DOLPP1: variants seen among roughly 807,000 people sequenced by gnomAD.
The protein encoded by DOLPP1 is dolichyldiphosphatase 1.
In DOLPP1, 15 loss-of-function variants were observed where a neutral mutation model predicts 34.1. That is an observed-to-expected ratio of 0.44 (90% confidence interval 0.29 to 0.68). The LOEUF (loss-of-function observed/expected upper bound fraction) is 0.68, where lower values mean the gene tolerates loss of function less well. Ranked by LOEUF, DOLPP1 falls within the 30% of genes least tolerant of loss-of-function variation. The pLI, the probability that DOLPP1 is intolerant of heterozygous loss-of-function variation, is 0.12. For synonymous variants in DOLPP1, 130 were observed against 128.2 expected, an observed-to-expected ratio of 1.01 and a Z score of -0.10; for missense variants, 249 against 307.1, an observed-to-expected ratio of 0.81 and a Z score of 1.41.
In DOLPP1 at chr9:129,081,157, T is replaced by A. The variant is rs1036875921; in HGVS notation, c.26T>A (p.Leu9His). 6.2e-6 allele frequency: 10 copies of A among 1,609,730 alleles called. No homozygotes were observed. Among genetic ancestry groups the A allele is most frequent in the Middle Eastern group, 3.3e-4 (2 of 6,076 alleles). The change falls in exon 1 of 8, where the codon CTC (leucine) becomes CAC (histidine). Residue 9 changes from leucine to histidine, a missense_variant. Leu to His is a moderately conservative substitution (Grantham distance 99). Coordinates refer to ENST00000372546, the MANE Select transcript of DOLPP1 (RefSeq NM_020438.5). ...ATGGCAGCGGACGGACAGTGCTCGC[T>A]CCCCGCTTCATGGCGGCCGGTGACC... MAADGQCS[L>H]PASWRPVTLT... is the part of the protein sequence containing the mutation.
At chr9:129,088,854 G>T in intron 7 of DOLPP1, 117 bp from the exon 8 acceptor site, 2 of 1,003,904 alleles carry the variant, frequency 2.0e-6, no homozygotes. Context: ...CAGGTCAATC[G>T]CTGGCTACTG....
chr9:129,088,151 G>A (rs1271891407), intron 7 of DOLPP1, among the ~76,000 whole-genome samples: 1 of 131,184 alleles, frequency 7.6e-6, no homozygotes, highest in Non-Finnish European at 1.7e-5. Flanking sequence ...GAGGTGGGGG[G>A]GGATGGGGGG....
At chr9:129,084,272 C>A (rs1011723412) in intron 1 of DOLPP1, among the ~76,000 whole-genome samples, 10 of 152,224 alleles carry the variant, frequency 6.6e-5, no homozygotes, top group Admixed American at 2.0e-4. Flanking sequence ...GCCGGGTTCA[C>A]CTTCCTGCTT....
intron 7 of DOLPP1, among the ~76,000 whole-genome samples, chr9:129,087,722 G>A (rs1847019796): frequency 6.6e-6 from 1 of 152,080 alleles, no homozygotes; most frequent in Non-Finnish European, 1.5e-5. Flanking sequence ...AGGGTGGGGC[G>A]TCCTAGCAGC....
intron 7 of DOLPP1, among the ~76,000 whole-genome samples, chr9:129,087,371 A>C (rs1034333931): frequency 3.4e-5 from 5 of 145,042 alleles, no homozygotes; most frequent in African/African-American, 5.2e-5. Flanking sequence ...GCTGGAGTGC[A>C]GTGGCGCGAT....
chr9:129,085,157 CT>C lies in DOLPP1; in HGVS notation c.263-49del. On this transcript the variant is annotated intron_variant, in intron 3 of 7. Coordinates refer to ENST00000372546, the MANE Select transcript of DOLPP1 (RefSeq NM_020438.5). The surrounding 1 kb of genome is among the most constrained non-coding windows in gnomAD (Gnocchi z 7.0). ...GAGGTTCCCCCAGGTTGGGGCGTTA[CT>C]GGGAGGTCTGCATCCCCCCGTGATG... is the stretch of plus-strand genomic sequence containing the variant. 6.2e-7 allele frequency: 1 copy of C among 1,611,532 alleles called. No individual in the cohort carries two copies. The highest frequency in any genetic ancestry group is 1.7e-4 in the Middle Eastern group (1 of 6,054).
Position 129,082,262 on chromosome 9 carries a change from G to T in DOLPP1, c.76+1055G>T, listed in dbSNP as rs149388348. Among the ~76,000 whole-genome samples the T allele has an allele frequency of 4.8e-4, 73 of 152,300 alleles. 1 individual carries two copies. The East Asian group carries it at 0.012, about 25-fold the overall frequency. On this transcript the variant is annotated intron_variant, in intron 1 of 7. Coordinates refer to ENST00000372546, the MANE Select transcript of DOLPP1 (RefSeq NM_020438.5). The stretch of plus-strand genomic sequence containing the variant: ...CCAGGACTGAATGCCAAAGAACGTT[G>T]ACGCTGGTGTTCTGGGTTGTACTGG...
intron 7 of DOLPP1, 122 bp from the exon 8 acceptor site, chr9:129,088,849 C>T (rs1259214290): frequency 2.1e-6 from 2 of 951,094 alleles, no homozygotes; most frequent in Non-Finnish European, 3.3e-6. Flanking sequence ...CAGTTCAGGT[C>T]AATCGCTGGC....
rs1846976305 is a variant in DOLPP1 at position 129,085,688 on chromosome 9, A to G, written c.461+72A>G. ...CCTGCTGGTTCCTGGTCCCTGTCGG[A>G]CCCCACCATGGACCCTAGTCCCAGA... is the stretch of plus-strand genomic sequence containing the variant. On this transcript the variant is annotated intron_variant, in intron 5 of 7. Coordinates refer to ENST00000372546, the MANE Select transcript of DOLPP1 (RefSeq NM_020438.5). The surrounding 1 kb of genome is among the most constrained non-coding windows in gnomAD (Gnocchi z 7.0). 1.6e-6 allele frequency: 2 copies of G among 1,256,110 alleles called. No individual in the cohort carries two copies. Among genetic ancestry groups the G allele is most frequent in the African/African-American group, 1.5e-5 (1 of 66,694 alleles). 77.8% of individuals were successfully genotyped at this position (1,256,110 alleles called of 1,614,324 possible). A position where few individuals can be genotyped will look rare whatever the true frequency, so the allele number is the denominator to read the frequency against.
chr9:129,083,961 A>G (rs528875734), intron 1 of DOLPP1, among the ~76,000 whole-genome samples: 8 of 152,300 alleles, frequency 5.3e-5, no homozygotes, highest in African/African-American at 1.9e-4. Context: ...ATCTCCTAAA[A>G]GGGGCCAGTG....
rs1392770519 is a variant in DOLPP1, at chr9:129,085,039, G to T, written c.194G>T (p.Gly65Val). 6.3e-7 allele frequency: 1 copy of T among 1,576,504 alleles called. No homozygotes were observed. Among genetic ancestry groups the T allele is most frequent in the Non-Finnish European group, 8.6e-7 (1 of 1,161,750 alleles). Residue 65 changes from glycine to valine, a missense_variant, in exon 3 of 8, where the codon GGC becomes GTC. Coordinates refer to ENST00000372546, the MANE Select transcript of DOLPP1 (RefSeq NM_020438.5). The surrounding 1 kb of genome is among the most constrained non-coding windows in gnomAD (Gnocchi z 7.0). Reference protein sequence around the residue: ...RELHTISFLGGLALNEGVNWL... With the variant: ...RELHTISFLGVLALNEGVNWL... ...CCCCAGCAGATCTCCTTCCTTGGGG[G>T]CCTGGCACTGAACGAGGGGGTCAAC...
At position 129,084,791 on chromosome 9, in the gene DOLPP1, C is replaced by T. The variant is rs767849192; in HGVS notation, c.177+23C>T. The T allele has an allele frequency of 3.9e-6, 6 of 1,531,482 alleles. No homozygotes were observed. In the African/African-American group the frequency reaches 5.5e-5, roughly 14 times the overall value. The allele number at this position is 1,531,482 out of a possible 1,614,324, so 94.9% of individuals were successfully genotyped here. ...ACGGTGAGTCTGTCTTGCCCACACC[C>T]TCCCCACCCCACCCCCAGTGCCCCC... On this transcript the variant is annotated intron_variant, in intron 2 of 7. Coordinates refer to ENST00000372546, the MANE Select transcript of DOLPP1 (RefSeq NM_020438.5).
Position 129,086,325 on chromosome 9 carries a change from C to T in DOLPP1, c.590+58C>T, listed in dbSNP as rs946571963. ...GCCCTGTCCCCTCCTGTGGGTGGGG[C>T]CATCAGTGGGCGGACCTAGGAGTCT... On this transcript the variant is annotated intron_variant, in intron 6 of 7. Coordinates refer to ENST00000372546, the MANE Select transcript of DOLPP1 (RefSeq NM_020438.5). 10 of 1,596,020 alleles carry T rather than the reference C, an allele frequency of 6.3e-6. No individual in the cohort carries two copies. The East Asian group carries it at 9.0e-5, about 14-fold the overall frequency.
chr9:129,086,903 T>G, intron 7 of DOLPP1, 105 bp downstream of exon 7: 46 of 898,168 alleles, frequency 5.1e-5, no homozygotes, highest in Middle Eastern at 2.6e-4. Context: ...AGCACTTCTC[T>G]TGCATTAACT....
At chr9:129,086,905 GCATTAACT>G in intron 7 of DOLPP1, 107 bp downstream of exon 7, 2 of 895,570 alleles carry the variant, frequency 2.2e-6, no homozygotes. Context: ...CACTTCTCTT[GCATTAACT>G]CATTGAATCC....
intron 6 of DOLPP1, 102 bp downstream of exon 6, chr9:129,086,369 C>T: frequency 7.0e-7 from 1 of 1,432,410 alleles, no homozygotes. Flanking sequence ...GCCCCTGTCT[C>T]CCTGGGAAGG....
At chr9:129,081,774 T>G (rs942156334) in intron 1 of DOLPP1, among the ~76,000 whole-genome samples, 5 of 152,160 alleles carry the variant, frequency 3.3e-5, no homozygotes, top group African/African-American at 1.2e-4. Context: ...GAACTTGACT[T>G]CTGTTGCTTC....
rs1206375142 is a variant in DOLPP1 at position 129,090,393 on chromosome 9, T to C, written c.*1386T>C. On this transcript the variant is annotated 3_prime_UTR_variant, in exon 8 of 8. Transcript: ENST00000372546. ...GGTGGTTTGATTTAAGAAAAATCAA[T>C]GAAATTGTTTACTACTGTTTTAAAA... The C allele has an allele frequency of 6.6e-6, 1 of 152,590 alleles. No homozygotes were observed. Among genetic ancestry groups the C allele is most frequent in the African/African-American group, 2.4e-5 (1 of 41,436 alleles). The allele number at this position is 152,590 out of a possible 1,614,324, so 9.5% of individuals were successfully genotyped here. A position where few individuals can be genotyped will look rare whatever the true frequency, so the allele number is the denominator to read the frequency against.
Position 129,084,924 on chromosome 9 carries a change from G to A in DOLPP1, c.178-99G>A, listed in dbSNP as rs1240325355. The A allele has an allele frequency of 4.3e-6, 6 of 1,399,694 alleles. No individual in the cohort carries two copies. In the East Asian group the frequency reaches 9.2e-5, roughly 21 times the overall value. 86.7% of individuals were successfully genotyped at this position (1,399,694 alleles called of 1,614,324 possible). A position where few individuals can be genotyped will look rare whatever the true frequency, so the allele number is the denominator to read the frequency against. ...CTGGCTGGTTCTAGGTTACTCACCT[G>A]TTGGGCTGGGAGGTTCAGTCAGAGG... On this transcript the variant is annotated intron_variant, in intron 2 of 7. Transcript: ENST00000372546.
Sources: gnomAD v4.1 joint callset for allele counts (sites outside exome capture counted in the v4.1 genomes callset) on GRCh38, gnomAD v4.1.1 for gene constraint, Gnocchi (gnomAD v3.1) non-coding constraint, MANE v1.5 for transcripts, NCBI Gene and HGNC (gene_info 2026-07-23, HGNC 2026-07-21) for gene names.